CNTN5: variants seen among roughly 807,000 people sequenced by gnomAD.
CNTN5 encodes the protein contactin-5.
CNTN5 carries 77 observed loss-of-function variants against 129.1 expected under a neutral mutation model. That is an observed-to-expected ratio of 0.60 (90% CI 0.50 to 0.72). CNTN5 has a LOEUF of 0.72. Ranked by LOEUF, CNTN5 falls within the 30% of genes least tolerant of loss-of-function variation. CNTN5 has a pLI of 0.00. For missense variants in CNTN5, 1,478 were observed against 1,328.8 expected (o/e 1.11, Z -1.75); for synonymous variants, 509 against 465.6 (o/e 1.09, Z -1.20).
chr11:99,785,270 G>A (rs1341049264), intron 3 of CNTN5, among the ~76,000 whole-genome samples: 2 of 151,848 alleles, frequency 1.3e-5, no homozygotes, highest in Admixed American at 6.6e-5. Context: ...TTGTAAATTT[G>A]TTTATGTTCT....
At chr11:100,018,329 C>G (rs2137551521) in intron 9 of CNTN5, among the ~76,000 whole-genome samples, 1 of 152,038 alleles carries the variant, frequency 6.6e-6, no homozygotes, top group African/African-American at 2.4e-5. Flanking sequence ...GCATCCTCAA[C>G]CCCAGGAAAC....
intron 1 of CNTN5, among the ~76,000 whole-genome samples, chr11:99,142,241 C>A (rs544912224): frequency 6.6e-6 from 1 of 152,212 alleles, no homozygotes; most frequent in East Asian, 1.9e-4. Context: ...TGGTGTGTGC[C>A]AGAAAAGCAC....
chr11:100,247,303 T>C (rs1269076928), intron 16 of CNTN5, among the ~76,000 whole-genome samples: 1 of 152,122 alleles, frequency 6.6e-6, no homozygotes, highest in Admixed American at 6.6e-5. Context: ...AGACAGATAA[T>C]AAAAGTTGAG....
At chr11:99,027,745 T>C (rs898397430) in intron 1 of CNTN5, among the ~76,000 whole-genome samples, 1 of 151,718 alleles carries the variant, frequency 6.6e-6, no homozygotes, top group Non-Finnish European at 1.5e-5. Context: ...ATTTCTGGTA[T>C]TACATTGCTT....
chr11:99,321,065 G>A (rs975481112), intron 1 of CNTN5, among the ~76,000 whole-genome samples: 4 of 151,992 alleles, frequency 2.6e-5, no homozygotes, highest in African/African-American at 4.8e-5. Context: ...ACTTTGAAAC[G>A]TCAGCTTTTG....
intron 18 of CNTN5, among the ~76,000 whole-genome samples, chr11:100,287,957 C>T (rs1950838040): frequency 6.6e-6 from 1 of 152,074 alleles, no homozygotes; most frequent in African/African-American, 2.4e-5. Flanking sequence ...GGGTTGCAAT[C>T]CCAGTCTCTG....
At chr11:99,547,009 T>TC (rs1565282137) in intron 2 of CNTN5, among the ~76,000 whole-genome samples, 1 of 150,500 alleles carries the variant, frequency 6.6e-6, no homozygotes, top group African/African-American at 2.4e-5. Flanking sequence ...TTTTCTTTTT[T>TC]TTTTTTTTTT....
rs145418881 is a variant in CNTN5, at chr11:99,041,995, A to G, written c.-210+20725A>G. On this transcript the variant is annotated intron_variant, in intron 1 of 24. Coordinates refer to ENST00000524871, the MANE Select transcript of CNTN5 (RefSeq NM_014361.4). ...TTACTTCCTCTCTCTTCTCCTGAAT[A>G]ATTTCTACTTATATTTCATGTCGAG... is the stretch of plus-strand genomic sequence containing the variant. 3.4e-3 allele frequency among the ~76,000 whole-genome samples: 517 copies of G among 152,266 alleles called. 2 individuals carry two copies. Among genetic ancestry groups the G allele is most frequent in the African/African-American group, 0.012 (496 of 41,532 alleles).
chr11:100,036,011 C>T (rs1386210367), intron 9 of CNTN5, among the ~76,000 whole-genome samples: 1 of 152,110 alleles, frequency 6.6e-6, no homozygotes, highest in Non-Finnish European at 1.5e-5. Flanking sequence ...GGTGCCGTTG[C>T]TTTTGGTGTT....
chr11:99,737,098 G>T (rs1943734506), intron 3 of CNTN5, among the ~76,000 whole-genome samples: 2 of 151,582 alleles, frequency 1.3e-5, no homozygotes, highest in South Asian at 4.2e-4. Flanking sequence ...TTGTCAAAGG[G>T]AAAAAACTCT....
chr11:99,623,886 A>T (rs1951040884), intron 3 of CNTN5, among the ~76,000 whole-genome samples: 1 of 152,146 alleles, frequency 6.6e-6, no homozygotes, highest in Admixed American at 6.6e-5. Flanking sequence ...GACATACATC[A>T]TTTAAATAAC....
chr11:99,837,145 T>C (rs1947332392), intron 4 of CNTN5, among the ~76,000 whole-genome samples: 1 of 152,228 alleles, frequency 6.6e-6, no homozygotes, highest in African/African-American at 2.4e-5. Context: ...CAGTCTCATT[T>C]TTCCCAGCCT....
At chr11:99,870,728 G>A (rs1458785784) in intron 6 of CNTN5, among the ~76,000 whole-genome samples, 70 of 152,036 alleles carry the variant, frequency 4.6e-4, no homozygotes, top group Admixed American at 1.2e-3. Flanking sequence ...AATTAAAAAG[G>A]CAGTGATCTC....
At chr11:100,163,645 C>A (rs1039927455) in intron 13 of CNTN5, among the ~76,000 whole-genome samples, 3 of 151,852 alleles carry the variant, frequency 2.0e-5, no homozygotes, top group Admixed American at 6.6e-5. Flanking sequence ...GCCTACCACA[C>A]ACTTCTTGTT....
intron 3 of CNTN5, among the ~76,000 whole-genome samples, chr11:99,565,179 G>A (rs191504120): frequency 6.6e-6 from 1 of 152,230 alleles, no homozygotes; most frequent in African/African-American, 2.4e-5. Context: ...GAAGTTGGAA[G>A]CCCCTAGAAG....
intron 9 of CNTN5, among the ~76,000 whole-genome samples, chr11:100,048,817 T>A (rs1171507433): frequency 6.6e-6 from 1 of 152,120 alleles, no homozygotes; most frequent in Non-Finnish European, 1.5e-5. Flanking sequence ...GTTGTAAAAC[T>A]TAACCCTACA....
intron 2 of CNTN5, among the ~76,000 whole-genome samples, chr11:99,361,764 T>C (rs956173594): frequency 6.7e-6 from 1 of 149,842 alleles, no homozygotes; most frequent in African/African-American, 2.4e-5. Context: ...GACTGCTTAT[T>C]TCACTTAGTG....
chr11:99,349,359 G>T (rs940262571), intron 2 of CNTN5, among the ~76,000 whole-genome samples: 1 of 152,124 alleles, frequency 6.6e-6, no homozygotes, highest in African/African-American at 2.4e-5. Flanking sequence ...GATATAGATA[G>T]ATTGGCCACT....
intron 18 of CNTN5, among the ~76,000 whole-genome samples, chr11:100,294,328 C>G (rs1019084504): frequency 6.6e-6 from 1 of 151,706 alleles, no homozygotes; most frequent in Admixed American, 6.6e-5. Context: ...AGGTAGTACA[C>G]TATATTTTTT....
Sources: gnomAD v4.1 joint callset for allele counts (sites outside exome capture counted in the v4.1 genomes callset) on GRCh38, gnomAD v4.1.1 for gene constraint, MANE v1.5 for transcripts, NCBI Gene and HGNC (gene_info 2026-07-23, HGNC 2026-07-21) for gene names.